SBNO2: variants seen among roughly 807,000 people sequenced by gnomAD.
The protein encoded by SBNO2 is protein strawberry notch homolog 2.
Under a neutral mutation model 146.3 loss-of-function variants are expected in SBNO2, and 89 were observed. The observed-to-expected ratio is 0.61, with a 90% CI of 0.51 to 0.73. The LOEUF (loss-of-function observed/expected upper bound fraction) is 0.73. Ranked by LOEUF, SBNO2 falls within the 30% of genes least tolerant of loss-of-function variation. The pLI, the probability that SBNO2 is intolerant of heterozygous loss-of-function variation, is 0.00. For synonymous variants in SBNO2, 1,147 were observed against 892.6 expected (o/e 1.29, Z -5.08); for missense variants, 2,092 against 2,003.7 (o/e 1.04, Z -0.84).
At chr19:1,119,239 C>A in intron 13 of SBNO2, 75 bp from the exon 14 acceptor site, 2 of 1,507,110 alleles carry the variant, frequency 1.3e-6, no homozygotes, top group South Asian at 1.2e-5. Flanking sequence ...CGAGGCAGAG[C>A]CAGTCGCAGA....
intron 3 of SBNO2, among the ~76,000 whole-genome samples, chr19:1,147,795 T>G (rs553976899): frequency 5.3e-5 from 8 of 152,108 alleles, no homozygotes; most frequent in African/African-American, 1.9e-4. Context: ...ACAGGCCCCT[T>G]GACCCACACC....
At position 1,108,789 on chromosome 19, in the gene SBNO2, C is replaced by T. The variant is rs370717411; in HGVS notation, c.3606G>A (p.Lys1202=). ...CCGCCGCCCACTCACCCACTTGCTT[C>T]TTCCTGTCCTTGGTCTTCAGCCGCA... is the stretch of plus-strand genomic sequence containing the variant. The part of the protein sequence containing the change: ...QIVRLKTKDR[K]KQVGIKIPEG... Residue 1202 remains lysine, a synonymous_variant, in exon 31 of 32, where the codon AAG becomes AAA. Coordinates refer to ENST00000361757, the MANE Select transcript of SBNO2 (RefSeq NM_014963.3). The T allele has an allele frequency of 1.9e-6, 3 of 1,602,956 alleles. No homozygotes were observed. Among genetic ancestry groups the T allele is most frequent in the Non-Finnish European group, 2.5e-6 (3 of 1,178,922 alleles).
Position 1,122,649 on chromosome 19 carries a change from G to A in SBNO2, c.914+9C>T. ...CCGCTCCCGCCCCCTGCCCCAGGCA[G>A]GGCCTCACCACAATGCTTTCTTCCG... On this transcript the variant is annotated intron_variant, in intron 9 of 31. Transcript: ENST00000361757. The A allele has an allele frequency of 7.4e-7, 1 of 1,347,174 alleles. No individual in the cohort carries two copies. Among genetic ancestry groups the A allele is most frequent in the Non-Finnish European group, 9.7e-7 (1 of 1,029,362 alleles). The allele number at this position is 1,347,174 out of a possible 1,614,324, so 83.5% of individuals were successfully genotyped here.
chr19:1,120,930 C>T (rs759047253), intron 11 of SBNO2, among the ~76,000 whole-genome samples: 13 of 150,598 alleles, frequency 8.6e-5, no homozygotes, highest in South Asian at 2.1e-4. Context: ...CTCGCTCTGT[C>T]GCCTGGGCTG....
At chr19:1,169,275 T>C (rs1191058670) in intron 1 of SBNO2, 1 of 152,206 alleles carries the variant, frequency 6.6e-6, no homozygotes, top group Admixed American at 6.5e-5. Flanking sequence ...CTCATGGGGT[T>C]GTCCAGGGCA....
Position 1,112,559 on chromosome 19 carries a change from G to A in SBNO2, c.2380-22C>T, listed in dbSNP as rs1337514214. 4 of 1,581,704 alleles carry A rather than the reference G, an allele frequency of 2.5e-6. No homozygotes were observed. The highest frequency in any genetic ancestry group is 1.7e-5 in the Admixed American group (1 of 57,296). Reference sequence around the variant, plus strand: ...CGAGCTAGGGGGAAAGAAGGGGCCGGGACACGGTTGGTGCAAGGCCCGCCC... The same window carrying A: ...CGAGCTAGGGGGAAAGAAGGGGCCGAGACACGGTTGGTGCAAGGCCCGCCC... On this transcript the variant is annotated intron_variant, in intron 20 of 31. Coordinates refer to ENST00000361757, the MANE Select transcript of SBNO2 (RefSeq NM_014963.3). This position sits in a 1 kb window ranked among gnomAD's most constrained non-coding sequence, Gnocchi z 5.9.
In SBNO2 at chr19:1,135,162, G is replaced by C. The variant is rs2080074092; in HGVS notation, c.280-7397C>G. Among the ~76,000 whole-genome samples the C allele has an allele frequency of 2.0e-5, 3 of 151,032 alleles. No individual in the cohort carries two copies. The South Asian group carries it at 6.3e-4, about 32-fold the overall frequency. On this transcript the variant is annotated intron_variant, in intron 4 of 31. Transcript: ENST00000361757. ...AACAGCTTGAGCCCAGGAAGTTCAA[G>C]ACCAGCCTGGGCAACATAGTGAGAT... is the stretch of plus-strand genomic sequence containing the variant.
Position 1,110,190 on chromosome 19 carries a change from G to T in SBNO2, c.3029-413C>A, listed in dbSNP as rs2079738886. Among the ~76,000 whole-genome samples, 1 of 152,092 alleles carries T rather than the reference G, an allele frequency of 6.6e-6. No homozygotes were observed. Among genetic ancestry groups the T allele is most frequent in the Non-Finnish European group, 1.5e-5 (1 of 67,974 alleles). The stretch of plus-strand genomic sequence containing the variant: ...GTGGGGGATCGTGGGAGCCTGGTTG[G>T]CTGCGGCACTGCTCATGAGTGAAGT... On this transcript the variant is annotated intron_variant, in intron 26 of 31. Coordinates refer to ENST00000361757, the MANE Select transcript of SBNO2 (RefSeq NM_014963.3). This position sits in a 1 kb window ranked among gnomAD's most constrained non-coding sequence, Gnocchi z 4.9.
intron 1 of SBNO2, among the ~76,000 whole-genome samples, chr19:1,170,151 C>T (rs1392230243): frequency 1.3e-5 from 2 of 152,206 alleles, no homozygotes; most frequent in South Asian, 4.1e-4. Context: ...GATCTAATCT[C>T]CGCCTCCTCA....
Position 1,161,788 on chromosome 19 carries a change from G to A in SBNO2, c.-126-7386C>T, listed in dbSNP as rs182211370. Among the ~76,000 whole-genome samples, 170 of 151,878 alleles carry A rather than the reference G, an allele frequency of 1.1e-3. 2 individuals carry two copies. The highest frequency in any genetic ancestry group is 3.7e-3 in the African/African-American group (155 of 41,392). On this transcript the variant is annotated intron_variant, in intron 1 of 31. Transcript: ENST00000361757. ...GCTGTGTGGGTCACCTGTGAGGCCCGGAGCCTCCCTGACGCAGGTGGTGGG... is the reference window on the plus strand; with the variant it reads ...GCTGTGTGGGTCACCTGTGAGGCCCAGAGCCTCCCTGACGCAGGTGGTGGG...
In SBNO2 at chr19:1,117,443, C is replaced by T. The variant is rs778336034; in HGVS notation, c.1584G>A (p.Ser528=). 8.2e-6 allele frequency: 13 copies of T among 1,589,196 alleles called. No individual in the cohort carries two copies. Among genetic ancestry groups the T allele is most frequent in the African/African-American group, 1.3e-5 (1 of 74,358 alleles). ...QQAADWIGLE[S]RKSLWGQFWS... ...AGAACTGGCCCCACAGGGACTTGCG[C>T]GACTCCAGGCCGATCCAGTCGGCCG... The change falls in exon 15 of 32, where the codon TCG becomes TCA. Residue 528 remains serine (S), a synonymous_variant. Coordinates refer to ENST00000361757, the MANE Select transcript of SBNO2 (RefSeq NM_014963.3).
At chr19:1,170,290 G>A (rs531144163) in intron 1 of SBNO2, among the ~76,000 whole-genome samples, 4 of 152,276 alleles carry the variant, frequency 2.6e-5, no homozygotes, top group East Asian at 1.9e-4. Context: ...GCCCTGTGAC[G>A]GGTGACCACA....
At position 1,112,995 on chromosome 19, in the gene SBNO2, C is replaced by A; in HGVS notation, c.2248-46G>T. On this transcript the variant is annotated intron_variant, in intron 19 of 31. Coordinates refer to ENST00000361757, the MANE Select transcript of SBNO2 (RefSeq NM_014963.3). This position sits in a 1 kb window ranked among gnomAD's most constrained non-coding sequence, Gnocchi z 5.9. ...AAACCGGCCGTCAGTGTTGTGGCCTCGCAGGAGTCTGGCCACCCGTGTCTC... is the reference window on the plus strand; with the variant it reads ...AAACCGGCCGTCAGTGTTGTGGCCTAGCAGGAGTCTGGCCACCCGTGTCTC... 2 of 1,518,702 alleles carry A rather than the reference C, an allele frequency of 1.3e-6. No individual in the cohort carries two copies. Among genetic ancestry groups the A allele is most frequent in the Non-Finnish European group, 8.8e-7 (1 of 1,130,478 alleles). 94.1% of individuals were successfully genotyped at this position (1,518,702 alleles called of 1,614,324 possible). A position where few individuals can be genotyped will look rare whatever the true frequency, so the allele number is the denominator to read the frequency against.
At chr19:1,143,662 C>T (rs993468146) in intron 4 of SBNO2, among the ~76,000 whole-genome samples, 4 of 152,142 alleles carry the variant, frequency 2.6e-5, no homozygotes, top group Non-Finnish European at 2.9e-5. Context: ...CTTCTTCCCC[C>T]TTCACGGCCA....
intron 13 of SBNO2, 21 bp downstream of exon 13, chr19:1,119,495 G>T: frequency 1.0e-6 from 1 of 957,996 alleles, no homozygotes; most frequent in Non-Finnish European, 1.6e-6. Flanking sequence ...GCCCCTCCAC[G>T]TGGGTGAGAA....
Position 1,119,516 on chromosome 19 carries a change from C to T in SBNO2, c.1373G>A (p.Arg458Lys), listed in dbSNP as rs1051327485. The T allele has an allele frequency of 1.2e-6, 2 of 1,601,572 alleles. No homozygotes were observed. Among genetic ancestry groups the T allele is most frequent in the Non-Finnish European group, 1.7e-6 (2 of 1,173,874 alleles). The part of the protein sequence containing the change: ...FEEFLHAIEK[R>K]GVGAMEIVAM... ...CCACGTGGGTGAGAAGGGCACTCAC[C>T]TCTTCTCGATGGCGTGCAGGAACTC... Residue 458 changes from arginine (R) to lysine (K), a missense_variant and splice_region_variant, in exon 13 of 32, where the codon AGG (arginine) becomes AAG (lysine). Transcript: ENST00000361757.
At position 1,109,120 on chromosome 19, in the gene SBNO2, C is replaced by A; in HGVS notation, c.3425+15G>T. The A allele has an allele frequency of 6.5e-7, 1 of 1,549,002 alleles. No individual in the cohort carries two copies. Among genetic ancestry groups the A allele is most frequent in the East Asian group, 2.4e-5 (1 of 40,988 alleles). ...CCATCTGCCGGTTTCCCCCTGGTCC[C>A]CGGCCCGCCCTCACCAGGCGCTGTG... is the stretch of plus-strand genomic sequence containing the variant. On this transcript the variant is annotated intron_variant, in intron 30 of 31. Transcript: ENST00000361757. This position sits in a 1 kb window ranked among gnomAD's most constrained non-coding sequence, Gnocchi z 4.2.
intron 4 of SBNO2, among the ~76,000 whole-genome samples, chr19:1,142,575 G>A (rs2080151492): frequency 6.6e-6 from 1 of 151,628 alleles, no homozygotes; most frequent in Admixed American, 6.6e-5. Flanking sequence ...AGCTACTCGG[G>A]AGGCTGAGGC....
Position 1,112,659 on chromosome 19 carries a change from C to CT in SBNO2, c.2380-123dup. ...AGGACGTCCCGGGGCAGCGAGAGGC[C>CT]TGCGGGGCGCGGACACCACCCGCCA... On this transcript the variant is annotated intron_variant, in intron 20 of 31. Coordinates refer to ENST00000361757, the MANE Select transcript of SBNO2 (RefSeq NM_014963.3). The surrounding 1 kb of genome is among the most constrained non-coding windows in gnomAD (Gnocchi z 5.9). 1 of 1,445,108 alleles carries CT rather than the reference C, an allele frequency of 6.9e-7. No homozygotes were observed. The highest frequency in any genetic ancestry group is 9.1e-7 in the Non-Finnish European group (1 of 1,095,762). 89.5% of individuals were successfully genotyped at this position (1,445,108 alleles called of 1,614,324 possible).
Sources: allele counts gnomAD v4.1 joint callset (sites outside exome capture counted in the v4.1 genomes callset), GRCh38; gene constraint gnomAD v4.1.1; non-coding constraint Gnocchi (gnomAD v3.1); transcripts MANE v1.5; gene names NCBI Gene and HGNC (gene_info 2026-07-23, HGNC 2026-07-21).